Variants in DOCK3 observed in about 807,000 individuals in gnomAD.
DOCK3 encodes the protein dedicator of cytokinesis 3.
DOCK3 carries 60 observed loss-of-function variants against 265.6 expected under a neutral mutation model. The ratio of observed to expected loss-of-function variants is 0.23; its 90% CI spans 0.18 to 0.28. The LOEUF (loss-of-function observed/expected upper bound fraction) is 0.28, where lower values mean the gene tolerates loss of function less well. DOCK3 is among the 10% of genes least tolerant of loss of function. The pLI is 1.00. For missense variants in DOCK3, 1,981 were observed against 2,594.3 expected, an observed-to-expected ratio of 0.76 and a Z score of 5.14; for synonymous variants, 881 against 938.0, an observed-to-expected ratio of 0.94 and a Z score of 1.11.
chr3:51,026,895 CT>C (rs146109193), intron 5 of DOCK3, among the ~76,000 whole-genome samples: 5 of 150,012 alleles, frequency 3.3e-5, no homozygotes, highest in African/African-American at 1.2e-4. Context: ...GTCTATCAAT[CT>C]TTTTTTTTCA....
chr3:51,187,751 CTTT>C (rs1222615450), intron 12 of DOCK3, among the ~76,000 whole-genome samples: 20 of 112,108 alleles, frequency 1.8e-4, no homozygotes, highest in Middle Eastern at 4.4e-3. Context: ...TCTGCACAAG[CTTT>C]TTTTTTTTTT....
chr3:51,081,933 A>C (rs1009704525), intron 7 of DOCK3, among the ~76,000 whole-genome samples: 1 of 150,602 alleles, frequency 6.6e-6, no homozygotes, highest in Non-Finnish European at 1.5e-5. Flanking sequence ...GGAGGGTTGC[A>C]GGGGGTGGTA....
At chr3:50,824,901 A>G (rs1348287736) in intron 2 of DOCK3, among the ~76,000 whole-genome samples, 1 of 152,216 alleles carries the variant, frequency 6.6e-6, no homozygotes. Context: ...AAGAACATGT[A>G]TCTTTGTATT....
chr3:51,094,600 T>G (rs1576050823), intron 9 of DOCK3, among the ~76,000 whole-genome samples: 2 of 152,032 alleles, frequency 1.3e-5, no homozygotes, highest in South Asian at 4.2e-4. Flanking sequence ...TGTTGATCTT[T>G]ACAAAAAAAT....
At chr3:51,317,319 G>C (rs1401202198) in intron 32 of DOCK3, among the ~76,000 whole-genome samples, 1 of 149,818 alleles carries the variant, frequency 6.7e-6, no homozygotes, top group East Asian at 1.9e-4. Context: ...TTAAAAAAAA[G>C]AAAAAGAAAA....
chr3:51,051,980 C>T (rs2081009492), intron 5 of DOCK3, among the ~76,000 whole-genome samples: 1 of 152,124 alleles, frequency 6.6e-6, no homozygotes, highest in African/African-American at 2.4e-5. Context: ...GATCCAAACA[C>T]CTCACACTAG....
chr3:50,860,983 G>A (rs764107309), intron 3 of DOCK3, among the ~76,000 whole-genome samples: 1 of 152,216 alleles, frequency 6.6e-6, no homozygotes, highest in South Asian at 2.1e-4. Flanking sequence ...GGGTCTCCAT[G>A]CATGCCTGAG....
intron 51 of DOCK3, among the ~76,000 whole-genome samples, chr3:51,378,060 C>G (rs560122552): frequency 6.6e-6 from 1 of 152,216 alleles, no homozygotes; most frequent in Admixed American, 6.5e-5. Flanking sequence ...TGGGCCTGTT[C>G]TTGGGATGGC....
chr3:51,341,807 C>G (rs2085260310), intron 38 of DOCK3, among the ~76,000 whole-genome samples: 2 of 152,362 alleles, frequency 1.3e-5, no homozygotes, highest in Admixed American at 1.3e-4. Context: ...TAAACTGCCT[C>G]TTACTGGTAT....
At chr3:51,228,996 C>T (rs578122399) in intron 18 of DOCK3, among the ~76,000 whole-genome samples, 164 bp downstream of exon 18, 1 of 152,328 alleles carries the variant, frequency 6.6e-6, no homozygotes, top group Admixed American at 6.5e-5. Flanking sequence ...TAGCAGCCTA[C>T]AAGGTTTTTC....
intron 12 of DOCK3, among the ~76,000 whole-genome samples, chr3:51,167,588 A>AT (rs576685034): frequency 1.5e-3 from 233 of 151,718 alleles, no homozygotes; most frequent in Admixed American, 3.1e-3. Flanking sequence ...TGAACACTGG[A>AT]TTTTTTTTCA....
rs528381300 is a variant in DOCK3 at position 51,254,806 on chromosome 3, C to G, written c.2185-5350C>G. On this transcript the variant is annotated intron_variant, in intron 22 of 52. Coordinates refer to ENST00000266037, the MANE Select transcript of DOCK3 (RefSeq NM_004947.5). Reference sequence around the variant, plus strand: ...TCCTTAATACAGCACACTGATGGGTCTTGACTCTTTATCCAATTTGCCAGT... The same window carrying G: ...TCCTTAATACAGCACACTGATGGGTGTTGACTCTTTATCCAATTTGCCAGT... 3.9e-5 allele frequency among the ~76,000 whole-genome samples: 6 copies of G among 152,276 alleles called. No homozygotes were observed. The East Asian group carries it at 9.6e-4, about 24-fold the overall frequency.
At chr3:50,820,414 A>G (rs897306346) in intron 2 of DOCK3, among the ~76,000 whole-genome samples, 2 of 152,234 alleles carry the variant, frequency 1.3e-5, no homozygotes, top group Admixed American at 1.3e-4. Flanking sequence ...TATAAGTGAG[A>G]ACATGTGTAT....
At chr3:50,745,787 C>T (rs1332596594) in intron 1 of DOCK3, among the ~76,000 whole-genome samples, 1 of 152,230 alleles carries the variant, frequency 6.6e-6, no homozygotes, top group Non-Finnish European at 1.5e-5. Flanking sequence ...TTAACTTCTT[C>T]CCTAATCAGA....
At chr3:51,104,841 T>C (rs1011552034) in intron 9 of DOCK3, among the ~76,000 whole-genome samples, 1 of 151,974 alleles carries the variant, frequency 6.6e-6, no homozygotes, top group African/African-American at 2.4e-5. Flanking sequence ...CAGGCTGGAG[T>C]GAAGTGGTAG....
chr3:50,764,805 AGAG>A (rs2040763274), intron 1 of DOCK3, among the ~76,000 whole-genome samples: 1 of 152,176 alleles, frequency 6.6e-6, no homozygotes, highest in Non-Finnish European at 1.5e-5. Flanking sequence ...AAATGTTAAA[AGAG>A]TTAGTGTATC....
At chr3:51,016,488 C>T (rs1401657584) in intron 5 of DOCK3, among the ~76,000 whole-genome samples, 1 of 66,846 alleles carries the variant, frequency 1.5e-5, no homozygotes, top group Non-Finnish European at 2.4e-5. Context: ...ATATATATAT[C>T]ATATATTTCT....
intron 32 of DOCK3, among the ~76,000 whole-genome samples, chr3:51,320,387 G>A (rs574808446): frequency 9.9e-5 from 15 of 152,072 alleles, no homozygotes; most frequent in Admixed American, 1.3e-4. Flanking sequence ...CTAGGTGGCC[G>A]TTTGGGCAGA....
At chr3:51,273,214 C>T (rs1482384911) in intron 24 of DOCK3, among the ~76,000 whole-genome samples, 1 of 151,140 alleles carries the variant, frequency 6.6e-6, no homozygotes, top group East Asian at 1.9e-4. Flanking sequence ...GGAAGGGGAA[C>T]AGCAGACTGC....
Sources: gnomAD v4.1 joint callset for allele counts (sites outside exome capture counted in the v4.1 genomes callset) on GRCh38, gnomAD v4.1.1 for gene constraint, MANE v1.5 for transcripts, NCBI Gene and HGNC (gene_info 2026-07-23, HGNC 2026-07-21) for gene names.